The following STARD8 variants were observed in gnomAD, a reference collection of about 807,000 sequenced individuals.
The protein encoded by STARD8 is StAR related lipid transfer domain containing 8.
In STARD8, 25 loss-of-function variants were observed where a neutral mutation model predicts 69.4. That is an observed-to-expected ratio of 0.36 (90% CI 0.26 to 0.50). STARD8 has a LOEUF of 0.50. STARD8 is among the 20% of genes least tolerant of loss of function. STARD8 has a pLI of 0.96. For missense variants in STARD8, 921 were observed against 932.5 expected (o/e 0.99, Z 0.16); for synonymous variants, 389 against 374.6 (o/e 1.04, Z -0.45).
At chrX:68,676,950 A>C (rs1220691055) in intron 2 of STARD8, among the ~76,000 whole-genome samples, 1 of 109,060 alleles carries the variant, frequency 9.2e-6, no homozygotes, top group African/African-American at 3.4e-5. Context: ...GTTTGAGACC[A>C]GCCTGGGCAA....
chrX:68,648,329 T>C (rs764091940), intron 1 of STARD8, among the ~76,000 whole-genome samples: 2 of 112,384 alleles, frequency 1.8e-5, no homozygotes, highest in African/African-American at 6.5e-5. Flanking sequence ...CAGGAGATAA[T>C]GTGTGTAAGC....
At chrX:68,653,351 CCA>C (rs1326421388) in intron 1 of STARD8, among the ~76,000 whole-genome samples, 7 of 29,691 alleles carry the variant, frequency 2.4e-4, no homozygotes, top group African/African-American at 9.0e-4. Flanking sequence ...CACACACACC[CCA>C]CACACACCCC....
intron 2 of STARD8, among the ~76,000 whole-genome samples, chrX:68,671,031 C>T (rs759952296): frequency 4.5e-5 from 5 of 111,902 alleles, no homozygotes; most frequent in Non-Finnish European, 7.5e-5. Flanking sequence ...GCTCGCCCTT[C>T]CAGTTCACCC....
chrX:68,661,962 CTCTCTCTCTCTT>C (rs1380324520), intron 1 of STARD8, among the ~76,000 whole-genome samples: 4 of 76,845 alleles, frequency 5.2e-5, no homozygotes, highest in African/African-American at 3.1e-4. Context: ...CTCTCTCTCT[CTCTCTCTCTCTT>C]TCTTTCTTTC....
chrX:68,650,910 T>G (rs749821756), intron 1 of STARD8, among the ~76,000 whole-genome samples: 1 of 112,765 alleles, frequency 8.9e-6, no homozygotes, highest in East Asian at 2.8e-4. Flanking sequence ...TTTGCACGCA[T>G]TCACTTATGA....
chrX:68,662,796 G>A (rs1373165792), intron 1 of STARD8, among the ~76,000 whole-genome samples: 1 of 111,832 alleles, frequency 8.9e-6, no homozygotes, highest in African/African-American at 3.3e-5. Context: ...TACTCCCTCT[G>A]CTCAGTTCCA....
chrX:68,672,720 C>T (rs920603880), intron 2 of STARD8, among the ~76,000 whole-genome samples: 4 of 110,978 alleles, frequency 3.6e-5, no homozygotes, highest in African/African-American at 1.3e-4. Flanking sequence ...AGCGCCCCAC[C>T]CCCCATGGCA....
chrX:68,722,714 G>T, intron 12 of STARD8, 68 bp downstream of exon 12: 1 of 1,077,150 alleles, frequency 9.3e-7, no homozygotes, highest in Non-Finnish European at 1.3e-6. Context: ...GGTAGTCAGA[G>T]AACCCAAAGG....
intron 2 of STARD8, among the ~76,000 whole-genome samples, chrX:68,709,647 C>A (rs2080034576): frequency 9.1e-6 from 1 of 109,871 alleles, no homozygotes; most frequent in Non-Finnish European, 1.9e-5. Flanking sequence ...AAGACCCTGT[C>A]TCTACAAAAA....
At chrX:68,688,131 G>C (rs775811719) in intron 2 of STARD8, among the ~76,000 whole-genome samples, 3 of 112,566 alleles carry the variant, frequency 2.7e-5, no homozygotes, top group East Asian at 2.8e-4. Context: ...GAGGGGAAAG[G>C]GGGGAGCTGT....
intron 2 of STARD8, among the ~76,000 whole-genome samples, chrX:68,708,488 C>T (rs1045856251): frequency 4.5e-5 from 5 of 112,230 alleles, no homozygotes; most frequent in Non-Finnish European, 9.4e-5. Context: ...GGTGCAGATA[C>T]TGTCATTGAC....
At chrX:68,675,743 T>C (rs775078389) in intron 2 of STARD8, among the ~76,000 whole-genome samples, 1 of 111,437 alleles carries the variant, frequency 9.0e-6, no homozygotes, top group African/African-American at 3.3e-5. Flanking sequence ...AGAGGGGAAC[T>C]TGGGGTGGAG....
chrX:68,689,284 T>C, intron 2 of STARD8, among the ~76,000 whole-genome samples: 1 of 67,334 alleles, frequency 1.5e-5, no homozygotes, highest in Non-Finnish European at 3.3e-5. Context: ...CAGGCAGACC[T>C]CCCCGAGGCG....
intron 3 of STARD8, 60 bp downstream of exon 3, chrX:68,713,045 T>C: frequency 9.3e-7 from 1 of 1,072,048 alleles, no homozygotes; most frequent in Middle Eastern, 2.5e-4. Context: ...TTTTCATCTG[T>C]TAGATGGGGC....
At chrX:68,670,011 G>A (rs1454965982) in intron 2 of STARD8, among the ~76,000 whole-genome samples, 1 of 112,252 alleles carries the variant, frequency 8.9e-6, no homozygotes, top group Non-Finnish European at 1.9e-5. Context: ...AACATTTGCA[G>A]GGCATGGCTT....
At chrX:68,712,318 C>G (rs1228764361) in intron 2 of STARD8, among the ~76,000 whole-genome samples, 2 of 112,549 alleles carry the variant, frequency 1.8e-5, no homozygotes, top group Non-Finnish European at 3.8e-5. Flanking sequence ...CCTGGCACTG[C>G]TGCTTTGTCC....
chrX:68,662,328 G>GC (rs1396112596), intron 1 of STARD8, among the ~76,000 whole-genome samples: 1 of 110,886 alleles, frequency 9.0e-6, no homozygotes, highest in East Asian at 2.9e-4. Flanking sequence ...TTTTGCCTAG[G>GC]CCCCCCATTC....
In STARD8 at chrX:68,692,875, C is replaced by T. The variant is rs3762243; in HGVS notation, c.80-20039C>T. On this transcript the variant is annotated intron_variant, in intron 2 of 14. Transcript: ENST00000374599. ...AATGTGAGGGATAGCAGTTGAACTG[C>T]ATGAGGTCCTGGATACTCTCAGACC... Among the ~76,000 whole-genome samples the T allele has an allele frequency of 2.7e-5, 3 of 112,741 alleles. No homozygotes were observed. The East Asian group carries it at 8.4e-4, about 32-fold the overall frequency.
At chrX:68,696,225 G>A (rs2079918444) in intron 2 of STARD8, among the ~76,000 whole-genome samples, 1 of 112,260 alleles carries the variant, frequency 8.9e-6, no homozygotes, top group Non-Finnish European at 1.9e-5. Context: ...GTGAGCTCCC[G>A]GAGATCTAGG....
Sources: allele counts gnomAD v4.1 joint callset (sites outside exome capture counted in the v4.1 genomes callset), GRCh38; gene constraint gnomAD v4.1.1; transcripts MANE v1.5; gene names NCBI Gene and HGNC (gene_info 2026-07-23, HGNC 2026-07-21).